The following TGM5 variants were observed in gnomAD, a reference collection of about 807,000 sequenced individuals.
TGM5 encodes the protein protein-glutamine gamma-glutamyltransferase 5.
Under a neutral mutation model 77.2 loss-of-function variants are expected in TGM5, and 69 were observed. That is an observed-to-expected ratio of 0.89 (90% confidence interval 0.74 to 1.09). TGM5 has a LOEUF of 1.09. Ranked by LOEUF, TGM5 falls within the 50% of genes least tolerant of loss-of-function variation. The probability of loss-of-function intolerance (pLI) is 0.00; values close to 1 mark genes in which losing one functional copy is unlikely to be tolerated. For missense variants in TGM5, 842 were observed against 896.5 expected, an observed-to-expected ratio of 0.94 and a Z score of 0.78; for synonymous variants, 346 against 351.8, an observed-to-expected ratio of 0.98 and a Z score of 0.18.
Position 43,260,819 on chromosome 15 carries a change from C to G in TGM5, c.11-240G>C, listed in dbSNP as rs2042780732. The G allele has an allele frequency of 5.1e-6, 3 of 592,254 alleles. No individual in the cohort carries two copies. In the Admixed American group the frequency reaches 7.6e-5, roughly 15 times the overall value. The allele number at this position is 592,254 out of a possible 1,614,324, so 36.7% of individuals were successfully genotyped here. On this transcript the variant is annotated intron_variant, in intron 1 of 12. Transcript: ENST00000220420. ...CTCTCCTATCTCTCTGACCCTCTATCTTCTTCTCCCTTACACCCTCCTGGA... is the reference window on the plus strand; with the variant it reads ...CTCTCCTATCTCTCTGACCCTCTATGTTCTTCTCCCTTACACCCTCCTGGA...
At chr15:43,262,773 A>C (rs899190416) in intron 1 of TGM5, among the ~76,000 whole-genome samples, 8 of 152,230 alleles carry the variant, frequency 5.3e-5, no homozygotes, top group Non-Finnish European at 1.2e-4. Flanking sequence ...AGCCAATACC[A>C]TACTTAATAG....
Position 43,239,210 on chromosome 15 carries a change from T to G in TGM5, c.1058A>C (p.Tyr353Ser). 6.2e-7 allele frequency: 1 copy of G among 1,614,092 alleles called. No homozygotes were observed. The highest frequency in any genetic ancestry group is 8.5e-7 in the Non-Finnish European group (1 of 1,180,006). Reference protein sequence around the residue: ...WMARKDLPPAYGGWQVLDATP... With the variant: ...WMARKDLPPASGGWQVLDATP... Reference sequence around the variant, plus strand: ...GGCGTCCAGCACCTGCCAGCCTCCATATGCAGGGGGCAGATCCTTCCGGGC... The same window carrying G: ...GGCGTCCAGCACCTGCCAGCCTCCAGATGCAGGGGGCAGATCCTTCCGGGC... The change falls in exon 8 of 13, where the codon TAT becomes TCT. Residue 353 changes from tyrosine (Y) to serine (S), a missense_variant. Around this residue, in one of 2 missense-constraint regions of TGM5, gnomAD observed 815 missense variants for 844.6 expected, o/e 0.96. Coordinates refer to ENST00000220420, the MANE Select transcript of TGM5 (RefSeq NM_201631.4).
At chr15:43,253,210 C>G (rs2042718356) in intron 5 of TGM5, among the ~76,000 whole-genome samples, 1 of 152,186 alleles carries the variant, frequency 6.6e-6, no homozygotes, top group South Asian at 2.1e-4. Flanking sequence ...CCTCTGAGAG[C>G]TTTAAAAAAC....
At position 43,232,939 on chromosome 15, in the gene TGM5, G is replaced by A. The variant is rs7176183; in HGVS notation, c.*252C>T. On this transcript the variant is annotated 3_prime_UTR_variant, in exon 13 of 13. Transcript: ENST00000220420. ...CTATTCATTCATTCAAAAAATATTTGTTGAGTGCCTAGCATATGCCAGAAA... is the reference window on the plus strand; with the variant it reads ...CTATTCATTCATTCAAAAAATATTTATTGAGTGCCTAGCATATGCCAGAAA... 0.019 allele frequency: 9,767 copies of A among 514,540 alleles called. 679 individuals carry two copies. Among genetic ancestry groups the A allele is most frequent in the African/African-American group, 0.15 (7,892 of 52,114 alleles). 31.9% of individuals were successfully genotyped at this position (514,540 alleles called of 1,614,324 possible).
intron 4 of TGM5, among the ~76,000 whole-genome samples, chr15:43,254,177 G>A (rs2042727717): frequency 6.6e-6 from 1 of 152,206 alleles, no homozygotes; most frequent in East Asian, 1.9e-4. Context: ...TTCAGACTTG[G>A]TGTGAATGCC....
intron 9 of TGM5, among the ~76,000 whole-genome samples, chr15:43,236,889 A>AACCC (rs1441300808): frequency 1.3e-5 from 2 of 151,360 alleles, no homozygotes; most frequent in Non-Finnish European, 2.9e-5. Flanking sequence ...GAATTGCTTG[A>AACCC]ACCCAGGAAG....
chr15:43,246,539 G>A (rs1431823241), intron 6 of TGM5, among the ~76,000 whole-genome samples: 2 of 152,102 alleles, frequency 1.3e-5, no homozygotes, highest in East Asian at 1.9e-4. Context: ...CAGACAAATC[G>A]CAATTGAGGA....
At chr15:43,258,193 T>A (rs919976183) in intron 3 of TGM5, among the ~76,000 whole-genome samples, 1 of 151,050 alleles carries the variant, frequency 6.6e-6, no homozygotes, top group Non-Finnish European at 1.5e-5. Flanking sequence ...CAAACCTGCA[T>A]GTTGTGCACA....
intron 6 of TGM5, among the ~76,000 whole-genome samples, chr15:43,246,658 T>C (rs1173117364): frequency 6.6e-6 from 1 of 152,134 alleles, no homozygotes; most frequent in Admixed American, 6.5e-5. Context: ...GAAGCTAAGA[T>C]GGCTCAAATT....
At chr15:43,243,817 A>G (rs1051574223) in intron 6 of TGM5, among the ~76,000 whole-genome samples, 1 of 152,152 alleles carries the variant, frequency 6.6e-6, no homozygotes, top group African/African-American at 2.4e-5. Context: ...CTTTCTAGTC[A>G]AGGACATCAT....
chr15:43,261,384 C>T (rs923292199), intron 1 of TGM5, among the ~76,000 whole-genome samples: 1 of 152,070 alleles, frequency 6.6e-6, no homozygotes, highest in Non-Finnish European at 1.5e-5. Flanking sequence ...CCACCGTGCC[C>T]GGCTGCTAGC....
chr15:43,260,293 C>G lies in TGM5; in HGVS notation c.195G>C (p.Pro65=), dbSNP rs779292840. 6.2e-7 allele frequency: 1 copy of G among 1,614,044 alleles called. No homozygotes were observed. Among genetic ancestry groups the G allele is most frequent in the Non-Finnish European group, 8.5e-7 (1 of 1,180,020 alleles). ...DNIIFVVETG[P]LPDLALGTRA... The stretch of plus-strand genomic sequence containing the variant: ...GAGTCCCCAAGGCCAGGTCTGGCAG[C>G]GGTCCTAGGAGGGAAGTAGAGCTGA... Residue 65 remains proline (P), a synonymous_variant, in exon 3 of 13, where the codon CCG becomes CCC. Transcript: ENST00000220420.
At chr15:43,249,735 G>A (rs2042691921) in intron 6 of TGM5, among the ~76,000 whole-genome samples, 1 of 152,212 alleles carries the variant, frequency 6.6e-6, no homozygotes, top group East Asian at 1.9e-4. Flanking sequence ...GCACAGAAAG[G>A]GTAGGCCAGG....
At chr15:43,235,326 G>C (rs2042580324) in intron 10 of TGM5, 143 bp downstream of exon 10, 1 of 1,072,224 alleles carries the variant, frequency 9.3e-7, no homozygotes, top group African/African-American at 1.6e-5. Context: ...GGAAGGAGAA[G>C]AGGGAAGGAG....
At chr15:43,261,067 TGTGTGTGTG>T (rs200218263) in intron 1 of TGM5, among the ~76,000 whole-genome samples, 2,094 of 57,820 alleles carry the variant, frequency 0.036, 143 homozygotes, top group East Asian at 0.068. Flanking sequence ...TTCCTTTTTT[TGTGTGTGTG>T]TTTTTTTTTT....
In TGM5 at chr15:43,253,616, C is replaced by CT. The variant is rs1480886946; in HGVS notation, c.573dup (p.Asp192ArgfsTer16). 1.2e-6 allele frequency: 2 copies of CT among 1,613,448 alleles called. No individual in the cohort carries two copies. The highest frequency in any genetic ancestry group is 1.6e-4 in the Middle Eastern group (1 of 6,066). On this transcript the variant is annotated frameshift_variant, in exon 5 of 13. Coordinates refer to ENST00000220420, the MANE Select transcript of TGM5 (RefSeq NM_201631.4). LOFTEE classifies it high-confidence loss of function. ...TTGTCTAGCAGCTTCAGGCAGATGTCTATGATTTTGTCTTCAAACTTCGGG... is the reference window on the plus strand; with the variant it reads ...TTGTCTAGCAGCTTCAGGCAGATGTCTTATGATTTTGTCTTCAAACTTCGGG...
intron 7 of TGM5, 35 bp downstream of exon 7, chr15:43,240,817 T>A (rs756112962): frequency 1.2e-6 from 2 of 1,613,544 alleles, no homozygotes; most frequent in Non-Finnish European, 1.7e-6. Flanking sequence ...CTCTGATGTG[T>A]GGCCCTAGAA....
Position 43,234,824 on chromosome 15 carries a change from TC to T in TGM5, c.1819del (p.Glu607ArgfsTer5). 2 of 1,614,224 alleles carry T rather than the reference TC, an allele frequency of 1.2e-6. No homozygotes were observed. The highest frequency in any genetic ancestry group is 1.7e-6 in the Non-Finnish European group (2 of 1,180,040). On this transcript the variant is annotated frameshift_variant, in exon 11 of 13. Transcript: ENST00000220420. LOFTEE classifies it high-confidence loss of function. Reference sequence around the variant, plus strand: ...GATGATCTTGTTCACCAGGATTTTCTCAGGACTGCTTTTCTCTTCACCCAGG... The same window carrying T: ...GATGATCTTGTTCACCAGGATTTTCTAGGACTGCTTTTCTCTTCACCCAGG... Reference protein sequence around the residue: ...SALGEEKSSPEKILVNKIITL... With the variant: ...SALGEEKSSPXKILVNKIITL...
At chr15:43,242,176 T>C (rs972245169) in intron 6 of TGM5, among the ~76,000 whole-genome samples, 3 of 152,252 alleles carry the variant, frequency 2.0e-5, no homozygotes, top group Non-Finnish European at 4.4e-5. Flanking sequence ...TTTGCTACCT[T>C]GACCAAGGTC....
Sources: gnomAD v4.1 joint callset for allele counts (sites outside exome capture counted in the v4.1 genomes callset) on GRCh38, gnomAD v4.1.1 for gene constraint, gnomAD v4.1.1 regional missense constraint, MANE v1.5 for transcripts, NCBI Gene and HGNC (gene_info 2026-07-23, HGNC 2026-07-21) for gene names.